THSD7B: variants seen among roughly 807,000 people sequenced by gnomAD.
THSD7B encodes thrombospondin type 1 domain containing 7B, also known as thrombospondin type-1 domain-containing protein 7B.
THSD7B carries 138 observed loss-of-function variants against 213.6 expected under a neutral mutation model. The observed-to-expected ratio is 0.65, with a 90% CI of 0.56 to 0.74. The LOEUF is 0.74. Among genes scored for constraint, THSD7B ranks in the 30% least tolerant of loss-of-function variants. The pLI, the probability that THSD7B is intolerant of heterozygous loss-of-function variation, is 0.00. For missense variants in THSD7B, 1,931 were observed against 1,991.5 expected (o/e 0.97, Z 0.58); for synonymous variants, 742 against 687.0 (o/e 1.08, Z -1.25).
chr2:137,320,142 C>A (rs1352195574), intron 12 of THSD7B, among the ~76,000 whole-genome samples: 1 of 152,154 alleles, frequency 6.6e-6, no homozygotes, highest in Admixed American at 6.5e-5. Flanking sequence ...AATTGGATTT[C>A]TGTTATTAGC....
intron 3 of THSD7B, among the ~76,000 whole-genome samples, chr2:137,066,130 C>T (rs1687373613): frequency 6.8e-6 from 1 of 148,106 alleles, no homozygotes; most frequent in African/African-American, 2.5e-5. Flanking sequence ...ATCTTTATTT[C>T]TCCTTTATTT....
intron 10 of THSD7B, among the ~76,000 whole-genome samples, chr2:137,248,154 CAGTACTT>C (rs540340915): frequency 1.4e-3 from 211 of 152,188 alleles, no homozygotes; most frequent in Non-Finnish European, 2.6e-3. Flanking sequence ...GAGAAATACT[CAGTACTT>C]AGCATTTATT....
Position 136,964,338 on chromosome 2 carries a change from T to C in THSD7B, c.139+82021T>C, listed in dbSNP as rs1002372852. ...TACTTAAGAGGCTGAGGCAGGAGGA[T>C]TGCCCGAGCCCAGAAGTTCAAGGTT... On this transcript the variant is annotated intron_variant, in intron 2 of 27. Coordinates refer to ENST00000409968, the MANE Select transcript of THSD7B (RefSeq NM_001316349.2). Among the ~76,000 whole-genome samples the C allele has an allele frequency of 3.3e-5, 5 of 152,112 alleles. No homozygotes were observed. The East Asian group carries it at 7.8e-4, about 24-fold the overall frequency.
chr2:136,904,459 A>G (rs1558846174), intron 2 of THSD7B, among the ~76,000 whole-genome samples: 2 of 152,186 alleles, frequency 1.3e-5, no homozygotes, highest in Non-Finnish European at 2.9e-5. Context: ...GGCTGGTGCT[A>G]CAGGAGACAG....
intron 3 of THSD7B, among the ~76,000 whole-genome samples, chr2:137,071,209 T>A (rs181923875): frequency 6.6e-6 from 1 of 152,320 alleles, no homozygotes; most frequent in East Asian, 1.9e-4. Context: ...TTTCTCCACA[T>A]CCTCTCTAGC....
chr2:136,841,593 C>CA (rs534991799), intron 1 of THSD7B, among the ~76,000 whole-genome samples: 15,738 of 93,104 alleles, frequency 0.17, 1,583 homozygotes, highest in East Asian at 0.23. Flanking sequence ...AAGACTCCAT[C>CA]AAAAAAAAAA....
intron 12 of THSD7B, among the ~76,000 whole-genome samples, chr2:137,337,178 G>C (rs1684656565): frequency 6.6e-6 from 1 of 151,912 alleles, no homozygotes. Context: ...AACTTATTCA[G>C]ATTTCACCAA....
At chr2:136,937,631 A>G (rs1448635555) in intron 2 of THSD7B, among the ~76,000 whole-genome samples, 1 of 152,194 alleles carries the variant, frequency 6.6e-6, no homozygotes, top group Non-Finnish European at 1.5e-5. Context: ...ATTTAATAAA[A>G]TATTACTTGT....
intron 21 of THSD7B, among the ~76,000 whole-genome samples, chr2:137,653,239 A>C (rs1412174921): frequency 6.6e-6 from 1 of 152,080 alleles, no homozygotes; most frequent in Non-Finnish European, 1.5e-5. Context: ...CAGAACTTTG[A>C]AAATGTCCCA....
chr2:136,771,549 A>T (rs1052818127), intron 1 of THSD7B, among the ~76,000 whole-genome samples: 1 of 151,976 alleles, frequency 6.6e-6, no homozygotes, highest in Admixed American at 6.6e-5. Context: ...AAGTGGCCAA[A>T]AATGTTGCTT....
intron 15 of THSD7B, among the ~76,000 whole-genome samples, chr2:137,501,169 A>G (rs1679694748): frequency 6.6e-6 from 1 of 152,198 alleles, no homozygotes; most frequent in African/African-American, 2.4e-5. Flanking sequence ...AAAACTAAAC[A>G]TTCACTGCAT....
rs985280156 is a variant in THSD7B, at chr2:136,876,962, T to A, written c.-35-5182T>A. Among the ~76,000 whole-genome samples the A allele has an allele frequency of 3.9e-5, 6 of 152,278 alleles. No individual in the cohort carries two copies. The East Asian group carries it at 1.2e-3, about 29-fold the overall frequency. ...GCTCTGCTGTAGCTGCAGTTCTGACTGTGGCACTGTCTCCTCTTCTGGAGA... is the reference window on the plus strand; with the variant it reads ...GCTCTGCTGTAGCTGCAGTTCTGACAGTGGCACTGTCTCCTCTTCTGGAGA... On this transcript the variant is annotated intron_variant, in intron 1 of 27. Coordinates refer to ENST00000409968, the MANE Select transcript of THSD7B (RefSeq NM_001316349.2).
chr2:137,023,750 G>T (rs1332399909), intron 2 of THSD7B, among the ~76,000 whole-genome samples: 1 of 152,136 alleles, frequency 6.6e-6, no homozygotes, highest in African/African-American at 2.4e-5. Context: ...CAGGAGCATG[G>T]GAGATGTGAT....
At chr2:137,357,595 C>T (rs955316732) in intron 12 of THSD7B, among the ~76,000 whole-genome samples, 56 of 152,108 alleles carry the variant, frequency 3.7e-4, no homozygotes, top group African/African-American at 1.3e-3. Context: ...AGTTGTGAGG[C>T]AATCTGGACA....
Position 137,170,905 on chromosome 2 carries a change from C to A in THSD7B, c.1690C>A (p.Arg564Ser). The change falls in exon 7 of 28, where the codon CGT (arginine) becomes AGT (serine). Residue 564 changes from arginine (R) to serine (S), a missense_variant. By Grantham distance (110) the Arg-to-Ser change is moderately radical (BLOSUM62 -1). Transcript: ENST00000409968. ...TCATGGAAAATGTGGCCTGGGACATCGTATTCTGAAGGCCGTCTGCCAGAA... is the reference window on the plus strand; with the variant it reads ...TCATGGAAAATGTGGCCTGGGACATAGTATTCTGAAGGCCGTCTGCCAGAA... ...PDHGKCGLGH[R>S]ILKAVCQNDR... 1 of 1,613,008 alleles carries A rather than the reference C, an allele frequency of 6.2e-7. No individual in the cohort carries two copies. Among genetic ancestry groups the A allele is most frequent in the Admixed American group, 1.7e-5 (1 of 59,962 alleles).
chr2:137,284,453 G>A (rs2104823364), intron 12 of THSD7B, among the ~76,000 whole-genome samples: 1 of 152,138 alleles, frequency 6.6e-6, no homozygotes, highest in South Asian at 2.1e-4. Flanking sequence ...TTTTGTATAT[G>A]TTCGCTCTTG....
intron 12 of THSD7B, among the ~76,000 whole-genome samples, chr2:137,377,870 C>A (rs1685694114): frequency 6.6e-6 from 1 of 152,064 alleles, no homozygotes; most frequent in South Asian, 2.1e-4. Context: ...CGTGATCCAC[C>A]CGCCTCAGCC....
At chr2:137,279,135 A>G (rs146991593) in intron 12 of THSD7B, among the ~76,000 whole-genome samples, 1 of 152,302 alleles carries the variant, frequency 6.6e-6, no homozygotes, top group African/African-American at 2.4e-5. Flanking sequence ...ACTGTAGAAC[A>G]GTAAAAAAAT....
intron 3 of THSD7B, 48 bp downstream of exon 3, chr2:137,057,278 A>C: frequency 6.9e-7 from 1 of 1,440,458 alleles, no homozygotes; most frequent in Non-Finnish European, 9.3e-7. Context: ...AATATTTTAT[A>C]GTGCAACTTT....
Sources: allele counts gnomAD v4.1 joint callset (sites outside exome capture counted in the v4.1 genomes callset), GRCh38; gene constraint gnomAD v4.1.1; transcripts MANE v1.5; gene names NCBI Gene and HGNC (gene_info 2026-07-23, HGNC 2026-07-21).